Variants in FGD3 observed in about 807,000 individuals in gnomAD.
FGD3 encodes the protein FYVE, RhoGEF and PH domain-containing protein 3.
Under a neutral mutation model 71.8 loss-of-function variants are expected in FGD3, and 45 were observed. The ratio of observed to expected loss-of-function variants is 0.63; its 90% confidence interval spans 0.49 to 0.80. FGD3 has a LOEUF of 0.80. FGD3 is among the 30% of genes least tolerant of loss of function. The pLI, the probability that FGD3 is intolerant of heterozygous loss-of-function variation, is 0.00. For synonymous variants in FGD3, 378 were observed against 392.8 expected, an observed-to-expected ratio of 0.96 and a Z score of 0.44; for missense variants, 844 against 951.5, an observed-to-expected ratio of 0.89 and a Z score of 1.49.
chr9:92,986,519 T>C (rs1860193221), intron 3 of FGD3, among the ~76,000 whole-genome samples: 1 of 152,216 alleles, frequency 6.6e-6, no homozygotes, highest in Non-Finnish European at 1.5e-5. Flanking sequence ...ATAGCAGCCC[T>C]TCCATTTGAG....
At chr9:93,021,602 G>T (rs898023322) in intron 13 of FGD3, among the ~76,000 whole-genome samples, 5 of 152,088 alleles carry the variant, frequency 3.3e-5, no homozygotes, top group African/African-American at 9.7e-5. Context: ...CCTTCACGGG[G>T]GCACCAGGCA....
In FGD3 at chr9:92,976,320, A is replaced by G; in HGVS notation, c.64A>G (p.Thr22Ala). 2 of 1,610,376 alleles carry G rather than the reference A, an allele frequency of 1.2e-6. No homozygotes were observed. Among genetic ancestry groups the G allele is most frequent in the South Asian group, 1.1e-5 (1 of 90,392 alleles). Reference protein sequence around the residue: ...GPIAALGMPDTGPGSSSLGKL... With the variant: ...GPIAALGMPDAGPGSSSLGKL... ...CATTGCTGCCCTAGGGATGCCAGAC[A>G]CTGGGCCTGGCAGTTCCTCCCTAGG... The change falls in exon 3 of 18, where the codon ACT becomes GCT. Residue 22 changes from threonine (T) to alanine (A), a missense_variant. Transcript: ENST00000375482.
chr9:93,030,529 A>G (rs908754494), intron 15 of FGD3, among the ~76,000 whole-genome samples: 1 of 152,220 alleles, frequency 6.6e-6, no homozygotes, highest in Admixed American at 6.5e-5. Flanking sequence ...TGTTGAATGT[A>G]AAAGTATCCC....
chr9:93,013,884 G>A lies in FGD3; in HGVS notation c.1068G>A (p.Glu356=). 1 of 1,612,688 alleles carries A rather than the reference G, an allele frequency of 6.2e-7. No individual in the cohort carries two copies. The highest frequency in any genetic ancestry group is 1.3e-5 in the African/African-American group (1 of 74,978). ...EKMHKLLEVY[E]QLGGEEDIVN... is the part of the protein sequence containing the mutation. ...TGCACAAGCTCTTGGAGGTGTACGA[G>A]CAGCTGGGTGGGGAAGAAGACATTG... Residue 356 remains glutamate (E), a synonymous_variant, in exon 9 of 18, where the codon GAG becomes GAA. Transcript: ENST00000375482.
At chr9:92,984,838 T>A (rs1472041471) in intron 3 of FGD3, among the ~76,000 whole-genome samples, 4 of 138,796 alleles carry the variant, frequency 2.9e-5, no homozygotes, top group African/African-American at 1.1e-4. Context: ...AGGGAGGGAG[T>A]GCTATTTGCC....
rs144592079 is a variant in FGD3 at position 92,993,444 on chromosome 9, C to T, written c.454-9481C>T. Among the ~76,000 whole-genome samples the T allele has an allele frequency of 5.3e-5, 8 of 152,122 alleles. No individual in the cohort carries two copies. In the East Asian group the frequency reaches 1.4e-3, roughly 26 times the overall value. The stretch of plus-strand genomic sequence containing the variant: ...TAGTTGGATGCTGTTATTTTTAATC[C>T]ATTCAGCCAATATGTCTTTTTCTTT... On this transcript the variant is annotated intron_variant, in intron 3 of 17. Coordinates refer to ENST00000375482, the MANE Select transcript of FGD3 (RefSeq NM_001083536.2).
intron 3 of FGD3, among the ~76,000 whole-genome samples, chr9:92,983,442 G>A (rs755762103): frequency 1.6e-4 from 25 of 151,682 alleles, no homozygotes; most frequent in Non-Finnish European, 2.7e-4. Context: ...GGAGAACGGC[G>A]TGCACCCGGG....
chr9:93,023,795 CTTTTTTT>C (rs569058583), intron 14 of FGD3, among the ~76,000 whole-genome samples: 23,020 of 107,754 alleles, frequency 0.21, 1,938 homozygotes, highest in African/African-American at 0.27. Context: ...CCATCAGCAA[CTTTTTTT>C]TTTTTTTTTT....
chr9:92,966,167 A>T (rs1448119919), intron 1 of FGD3, among the ~76,000 whole-genome samples: 3 of 152,164 alleles, frequency 2.0e-5, no homozygotes, highest in Admixed American at 6.5e-5. Context: ...TGTAGGTGAC[A>T]AGGGGCCCAT....
intron 1 of FGD3, among the ~76,000 whole-genome samples, chr9:92,950,971 T>C (rs1158913528): frequency 6.6e-6 from 1 of 152,096 alleles, no homozygotes; most frequent in East Asian, 1.9e-4. Flanking sequence ...CCTGGCCTGC[T>C]TGGGCCCTGA....
chr9:93,028,995 G>GTTTTTTTTTTTTTTTTT (rs869235976), intron 14 of FGD3, among the ~76,000 whole-genome samples: 1 of 51,716 alleles, frequency 1.9e-5, no homozygotes, highest in Non-Finnish European at 3.7e-5. Context: ...TGTCCTCACA[G>GTTTTTTTTTTTTTTTTT]TTTTTTTTTT....
chr9:92,979,154 A>C (rs911508835), intron 3 of FGD3, among the ~76,000 whole-genome samples: 12 of 152,098 alleles, frequency 7.9e-5, no homozygotes, highest in Non-Finnish European at 2.9e-5. Context: ...ATTGAATAGA[A>C]GTGGTGAGAG....
rs749059480 is a variant in FGD3, at chr9:93,018,146, T to C, written c.1286T>C (p.Ile429Thr). The change falls in exon 11 of 18, where the codon ATC becomes ACC. Residue 429 changes from isoleucine (I) to threonine (T), a missense_variant. By Grantham distance (89) the Ile-to-Thr change is moderately conservative. Transcript: ENST00000375482. ...TTCTTGCCCCTTCAGGTGCAGGATA[T>C]CGTCAAGCCAAACACAGCACATACA... ...MDISGLQVQD[I>T]VKPNTAHTFI... 21 of 1,613,966 alleles carry C rather than the reference T, an allele frequency of 1.3e-5. No homozygotes were observed. The South Asian group carries it at 2.3e-4, about 18-fold the overall frequency.
In FGD3 at chr9:92,976,577, G is replaced by A. The variant is rs35609500; in HGVS notation, c.321G>A (p.Ala107=). 90 of 1,612,428 alleles carry A rather than the reference G, an allele frequency of 5.6e-5. No homozygotes were observed. The African/African-American group carries it at 1.0e-3, about 18-fold the overall frequency. The change falls in exon 3 of 18, where the codon GCG becomes GCA. Residue 107 remains alanine (A), a synonymous_variant. Coordinates refer to ENST00000375482, the MANE Select transcript of FGD3 (RefSeq NM_001083536.2). Reference sequence around the variant, plus strand: ...GCCCAAGCCCCACTGTACTGGGGGCGCACGCAGAGATGGCCCTGGACAGCC... The same window carrying A: ...GCCCAAGCCCCACTGTACTGGGGGCACACGCAGAGATGGCCCTGGACAGCC... ...EAGPSPTVLG[A]HAEMALDSQV... is the part of the protein sequence containing the mutation.
chr9:92,987,307 C>T (rs1337729377), intron 3 of FGD3, among the ~76,000 whole-genome samples: 1 of 151,890 alleles, frequency 6.6e-6, no homozygotes, highest in African/African-American at 2.4e-5. Context: ...TGGTGGGTGC[C>T]TGTAATCCCA....
At chr9:92,965,127 C>T (rs986219705) in intron 1 of FGD3, among the ~76,000 whole-genome samples, 11 of 152,184 alleles carry the variant, frequency 7.2e-5, no homozygotes, top group South Asian at 2.1e-4. Flanking sequence ...CCGATGCCAC[C>T]GTGATTGTGC....
intron 14 of FGD3, among the ~76,000 whole-genome samples, chr9:93,027,756 G>A (rs1228026977): frequency 2.7e-5 from 3 of 112,946 alleles, no homozygotes; most frequent in Non-Finnish European, 4.9e-5. Flanking sequence ...ATCTTGCTGT[G>A]CTCTCCAGGC....
At chr9:93,009,690 A>G (rs1861221997) in intron 6 of FGD3, among the ~76,000 whole-genome samples, 1 of 152,218 alleles carries the variant, frequency 6.6e-6, no homozygotes, top group Non-Finnish European at 1.5e-5. Context: ...GAGGGGAGGC[A>G]CAGGGAGCCG....
chr9:93,008,195 T>C (rs1179806510), intron 6 of FGD3, among the ~76,000 whole-genome samples: 2 of 152,216 alleles, frequency 1.3e-5, no homozygotes, highest in African/African-American at 4.8e-5. Flanking sequence ...GAAACTAAGT[T>C]GCAGACACCG....
Sources: gnomAD v4.1 joint callset for allele counts (sites outside exome capture counted in the v4.1 genomes callset) on GRCh38, gnomAD v4.1.1 for gene constraint, MANE v1.5 for transcripts, NCBI Gene and HGNC (gene_info 2026-07-23, HGNC 2026-07-21) for gene names.